The following THAP2 variants were observed in gnomAD, a reference collection of about 807,000 sequenced individuals.
THAP2 encodes THAP domain-containing protein 2.
In THAP2, 16 loss-of-function variants were observed where a neutral mutation model predicts 18.8. That is an observed-to-expected ratio of 0.85 (90% CI 0.58 to 1.29). THAP2 has a LOEUF of 1.29. THAP2 is among the 50% of genes most tolerant of loss of function. The pLI is 0.00. For missense variants in THAP2, 251 were observed against 265.3 expected (o/e 0.95, Z 0.38); for synonymous variants, 80 against 89.2 (o/e 0.90, Z 0.58).
At chr12:71,673,261 A>T (rs1881471235) in intron 1 of THAP2, among the ~76,000 whole-genome samples, 1 of 152,150 alleles carries the variant, frequency 6.6e-6, no homozygotes, top group Non-Finnish European at 1.5e-5. Context: ...CATATATTTT[A>T]TGTATTAATG....
intron 1 of THAP2, chr12:71,664,944 G>A (rs1881305951): frequency 1.4e-6 from 1 of 702,350 alleles, no homozygotes; most frequent in Non-Finnish European, 2.6e-6. Flanking sequence ...AAAGCCTGCT[G>A]TGTTCCCGTT....
rs775141595 is a variant in THAP2, at chr12:71,664,561, A to G, written c.52A>G (p.Ile18Val). 6 of 1,614,096 alleles carry G rather than the reference A, an allele frequency of 3.7e-6. No homozygotes were observed. The highest frequency in any genetic ancestry group is 3.4e-6 in the Non-Finnish European group (4 of 1,180,042). Residue 18 changes from isoleucine (I) to valine (V), a missense_variant, in exon 1 of 3, where the codon ATT becomes GTT. Ile to Val is a conservative substitution (Grantham distance 29). Transcript: ENST00000308086. ...AGCATTYNKHINISFHRFPLD... is the reference protein window; with the variant it reads ...AGCATTYNKHVNISFHRFPLD... ...CTGTGCCACTACCTACAACAAGCAC[A>G]TTAACATCAGCTTCCACAGGTAACC...
Position 71,674,407 on chromosome 12 carries a change from T to A in THAP2, c.267+9T>A. The A allele has an allele frequency of 1.3e-6, 2 of 1,567,254 alleles. No homozygotes were observed. Among genetic ancestry groups the A allele is most frequent in the Non-Finnish European group, 1.7e-6 (2 of 1,152,288 alleles). ...CCCATATAAAGTCTATGGTAGGTAA[T>A]GTTACTCTCCTTTTGTTAAAACCAT... On this transcript the variant is annotated intron_variant, in intron 2 of 2. Coordinates refer to ENST00000308086, the MANE Select transcript of THAP2 (RefSeq NM_031435.4).
In THAP2 at chr12:71,677,254, T is replaced by TA. The variant is rs1432971459; in HGVS notation, c.*152dup. On this transcript the variant is annotated 3_prime_UTR_variant, in exon 3 of 3. Transcript: ENST00000308086. Reference sequence around the variant, plus strand: ...TTGTGAAGACTTGATTACAAAAGAATAAAAAACTTCATATGGAAATTTTAT... The same window carrying TA: ...TTGTGAAGACTTGATTACAAAAGAATAAAAAAACTTCATATGGAAATTTTAT... 5.5e-5 allele frequency: 41 copies of TA among 746,390 alleles called. No individual in the cohort carries two copies. The highest frequency in any genetic ancestry group is 7.1e-5 in the Non-Finnish European group (38 of 533,858). The allele number at this position is 746,390 out of a possible 1,614,324, so 46.2% of individuals were successfully genotyped here.
At chr12:71,668,055 G>T (rs1247532376) in intron 1 of THAP2, 1 of 152,120 alleles carries the variant, frequency 6.6e-6, no homozygotes, top group Non-Finnish European at 1.5e-5. Context: ...TTAACAATCA[G>T]CTCCCACAAT....
In THAP2 at chr12:71,674,266, G is replaced by A; in HGVS notation, c.135G>A (p.Val45=). ...GCCTGGTTAGGCGCAAAAATTTTGTGCCAGGAAAACACACTTTTCTTTGTT... is the reference window on the plus strand; with the variant it reads ...GCCTGGTTAGGCGCAAAAATTTTGTACCAGGAAAACACACTTTTCTTTGTT... ...WVRLVRRKNF[V]PGKHTFLCSK... The change falls in exon 2 of 3, where the codon GTG becomes GTA. Residue 45 remains valine (V), a synonymous_variant. Coordinates refer to ENST00000308086, the MANE Select transcript of THAP2 (RefSeq NM_031435.4). 6.2e-7 allele frequency: 1 copy of A among 1,612,528 alleles called. No individual in the cohort carries two copies. The highest frequency in any genetic ancestry group is 8.5e-7 in the Non-Finnish European group (1 of 1,179,258).
chr12:71,671,505 T>C (rs1170339602), intron 1 of THAP2, among the ~76,000 whole-genome samples: 2 of 152,212 alleles, frequency 1.3e-5, no homozygotes, highest in Non-Finnish European at 2.9e-5. Flanking sequence ...CCCACCTTTT[T>C]TGCCATATCA....
chr12:71,679,700 G>GAA lies in THAP2; in HGVS notation c.*2594_*2595dup, dbSNP rs1214768086. On this transcript the variant is annotated 3_prime_UTR_variant, in exon 3 of 3. Coordinates refer to ENST00000308086, the MANE Select transcript of THAP2 (RefSeq NM_031435.4). ...ATACAATATGATAAATGCTACAAAA[G>GAA]AAATAGCTGTAAAGTCCTTTGGTAA... 1 of 152,120 alleles carries GAA rather than the reference G, an allele frequency of 6.6e-6. No homozygotes were observed. The highest frequency in any genetic ancestry group is 1.5e-5 in the Non-Finnish European group (1 of 67,988). The allele number at this position is 152,120 out of a possible 1,614,324, so 9.4% of individuals were successfully genotyped here.
At position 71,679,220 on chromosome 12, in the gene THAP2, C is replaced by T. The variant is rs1288997651; in HGVS notation, c.*2112C>T. 6.6e-6 allele frequency: 1 copy of T among 152,070 alleles called. No homozygotes were observed. Among genetic ancestry groups the T allele is most frequent in the African/African-American group, 2.4e-5 (1 of 41,424 alleles). The allele number at this position is 152,070 out of a possible 1,614,324, so 9.4% of individuals were successfully genotyped here. A position where few individuals can be genotyped will look rare whatever the true frequency, so the allele number is the denominator to read the frequency against. On this transcript the variant is annotated 3_prime_UTR_variant, in exon 3 of 3. Coordinates refer to ENST00000308086, the MANE Select transcript of THAP2 (RefSeq NM_031435.4). ...ATACAACAAATTTTGGACAAGGTTA[C>T]TTCATCTTCATTCATTATTACCTGA...
In THAP2 at chr12:71,678,058, A is replaced by C. The variant is rs1315446541; in HGVS notation, c.*950A>C. ...CAGTAAAATTTAATCACAGGAAACT[A>C]CTTATATCTTCACACTTTGTATTGA... On this transcript the variant is annotated 3_prime_UTR_variant, in exon 3 of 3. Transcript: ENST00000308086. 3.9e-5 allele frequency: 6 copies of C among 152,104 alleles called. No individual in the cohort carries two copies. Among genetic ancestry groups the C allele is most frequent in the African/African-American group, 1.2e-4 (5 of 41,408 alleles). The allele number at this position is 152,104 out of a possible 1,614,324, so 9.4% of individuals were successfully genotyped here. A position where few individuals can be genotyped will look rare whatever the true frequency, so the allele number is the denominator to read the frequency against.
In THAP2 at chr12:71,664,525, G is replaced by C; in HGVS notation, c.16G>C (p.Ala6Pro). The C allele has an allele frequency of 6.2e-7, 1 of 1,614,152 alleles. No homozygotes were observed. Among genetic ancestry groups the C allele is most frequent in the Non-Finnish European group, 8.5e-7 (1 of 1,180,032 alleles). Reference protein sequence around the residue: MPTNCAAAGCATTYNK... With the variant: MPTNCPAAGCATTYNK... ...GGAAAGGGAAATGCCGACCAATTGC[G>C]CTGCGGCGGGCTGTGCCACTACCTA... The change falls in exon 1 of 3, where the codon GCT becomes CCT. Residue 6 changes from alanine to proline, a missense_variant. Ala to Pro is a conservative substitution (Grantham distance 27). Coordinates refer to ENST00000308086, the MANE Select transcript of THAP2 (RefSeq NM_031435.4).
chr12:71,674,051 T>C, intron 1 of THAP2, 152 bp from the exon 2 acceptor site: 2 of 670,464 alleles, frequency 3.0e-6, no homozygotes, highest in Admixed American at 6.8e-5. Flanking sequence ...TACCATGAAT[T>C]GGTTTCTGTT....
rs767276608 is a variant in THAP2 at position 71,676,935 on chromosome 12, T to C, written c.514T>C (p.Leu172=). 2 of 1,613,814 alleles carry C rather than the reference T, an allele frequency of 1.2e-6. No individual in the cohort carries two copies. Among genetic ancestry groups the C allele is most frequent in the Admixed American group, 3.3e-5 (2 of 59,994 alleles). ...ATRRWIKATC[L]VKNLEANSVL... is the part of the protein sequence containing the mutation. ...TCGAAGATGGATCAAAGCCACGTGT[T>C]TGGTAAAGAATTTAGAAGCAAATAG... The change falls in exon 3 of 3, where the codon TTG becomes CTG. Residue 172 remains leucine, a synonymous_variant. Coordinates refer to ENST00000308086, the MANE Select transcript of THAP2 (RefSeq NM_031435.4).
chr12:71,676,409 A>G (rs927251200), intron 2 of THAP2, among the ~76,000 whole-genome samples: 1 of 152,108 alleles, frequency 6.6e-6, no homozygotes, highest in Non-Finnish European at 1.5e-5. Flanking sequence ...GTCATAGTCA[A>G]TAATTTGGAA....
chr12:71,668,197 C>T (rs950989143), intron 1 of THAP2, among the ~76,000 whole-genome samples: 4 of 152,178 alleles, frequency 2.6e-5, no homozygotes, highest in African/African-American at 4.8e-5. Flanking sequence ...TCTTAACACT[C>T]TACTGTCCCA....
chr12:71,666,961 T>C (rs1193740463), intron 1 of THAP2, among the ~76,000 whole-genome samples: 2 of 152,220 alleles, frequency 1.3e-5, no homozygotes, highest in Non-Finnish European at 2.9e-5. Flanking sequence ...CTCGAACTCC[T>C]GACCTTGTGA....
At position 71,677,254 on chromosome 12, in the gene THAP2, T is replaced by A; in HGVS notation, c.*146T>A. 1 of 746,508 alleles carries A rather than the reference T, an allele frequency of 1.3e-6. No individual in the cohort carries two copies. The allele number at this position is 746,508 out of a possible 1,614,324, so 46.2% of individuals were successfully genotyped here. A position where few individuals can be genotyped will look rare whatever the true frequency, so the allele number is the denominator to read the frequency against. ...TTGTGAAGACTTGATTACAAAAGAA[T>A]AAAAAACTTCATATGGAAATTTTAT... On this transcript the variant is annotated 3_prime_UTR_variant, in exon 3 of 3. Transcript: ENST00000308086.
intron 1 of THAP2, among the ~76,000 whole-genome samples, chr12:71,669,973 AC>A (rs1388217233): frequency 4.4e-4 from 66 of 150,756 alleles, no homozygotes; most frequent in Middle Eastern, 3.4e-3. Flanking sequence ...AAAAAAAAAA[AC>A]TCTATTTTCT....
intron 1 of THAP2, chr12:71,664,986 C>T (rs1421990181): frequency 5.7e-6 from 4 of 702,032 alleles, no homozygotes; most frequent in African/African-American, 3.5e-5. Context: ...GATGAATTGA[C>T]ATGGGAGGCA....
Sources: allele counts gnomAD v4.1 joint callset (sites outside exome capture counted in the v4.1 genomes callset), GRCh38; gene constraint gnomAD v4.1.1; transcripts MANE v1.5; gene names NCBI Gene and HGNC (gene_info 2026-07-23, HGNC 2026-07-21).